ABCG1: variants seen among roughly 807,000 people sequenced by gnomAD.
ABCG1 encodes ATP binding cassette subfamily G member 1, also known as ATP-binding cassette sub-family G member 1.
Under a neutral mutation model 69.2 loss-of-function variants are expected in ABCG1, and 29 were observed. That is an observed-to-expected ratio of 0.42 (90% confidence interval 0.31 to 0.57). The LOEUF (loss-of-function observed/expected upper bound fraction) is 0.57, where lower values mean the gene tolerates loss of function less well. ABCG1 is among the 20% of genes least tolerant of loss of function. The probability of loss-of-function intolerance (pLI) is 0.15; values close to 1 mark genes in which losing one functional copy is unlikely to be tolerated. For missense variants in ABCG1, 718 were observed against 898.1 expected (o/e 0.80, Z 2.56); for synonymous variants, 370 against 374.8 (o/e 0.99, Z 0.15).
At chr21:42,246,346 C>T (rs1294767389) in intron 2 of ABCG1, among the ~76,000 whole-genome samples, 1 of 152,200 alleles carries the variant, frequency 6.6e-6, no homozygotes, top group Non-Finnish European at 1.5e-5. Context: ...CTTTAAGATA[C>T]TGGCAAAACA....
chr21:42,234,266 C>T (rs1436101946), intron 2 of ABCG1, among the ~76,000 whole-genome samples: 2 of 152,112 alleles, frequency 1.3e-5, no homozygotes, highest in African/African-American at 4.8e-5. Context: ...AACTCCCTGC[C>T]TCTATAAGCG....
chr21:42,286,380 C>T (rs1008968043), intron 8 of ABCG1, among the ~76,000 whole-genome samples: 1 of 152,206 alleles, frequency 6.6e-6, no homozygotes. Context: ...TCCTCCTTCG[C>T]CTTCCAGCCA....
rs528347356 is a variant in ABCG1, at chr21:42,273,671, G to A, written c.537+236G>A. 2.4e-3 allele frequency among the ~76,000 whole-genome samples: 365 copies of A among 152,310 alleles called. 1 individual carries two copies. Among genetic ancestry groups the A allele is most frequent in the Middle Eastern group, 0.01 (3 of 294 alleles). On this transcript the variant is annotated intron_variant, in intron 4 of 14. Transcript: ENST00000398449. This position sits in a 1 kb window ranked among gnomAD's most constrained non-coding sequence, Gnocchi z 5.3. ...TGAGTTTAATGGACCTTGTTTGGCA[G>A]GGTTGGGGTCAAGTTTCTGAGAAGG...
intron 2 of ABCG1, among the ~76,000 whole-genome samples, chr21:42,262,945 G>A (rs532510083): frequency 6.6e-6 from 1 of 152,230 alleles, no homozygotes; most frequent in Non-Finnish European, 1.5e-5. Context: ...CCTCTGCCAG[G>A]GGACTGGGCT....
intron 2 of ABCG1, among the ~76,000 whole-genome samples, chr21:42,244,114 C>T (rs1490281897): frequency 6.6e-6 from 1 of 152,194 alleles, no homozygotes; most frequent in African/African-American, 2.4e-5. Context: ...CCCCCACGCC[C>T]GGCCTATCTT....
intron 2 of ABCG1, among the ~76,000 whole-genome samples, chr21:42,203,706 T>C (rs1393643840): frequency 2.6e-5 from 4 of 152,268 alleles, no homozygotes; most frequent in Non-Finnish European, 4.4e-5. Context: ...CTTTATTCTT[T>C]GTTTTCAAAA....
intron 2 of ABCG1, among the ~76,000 whole-genome samples, chr21:42,244,185 A>C (rs1411547767): frequency 6.6e-6 from 1 of 152,176 alleles, no homozygotes; most frequent in Non-Finnish European, 1.5e-5. Flanking sequence ...GTAAGTGATA[A>C]AATTATTTGC....
At chr21:42,290,365 G>C (rs1309607639) in intron 11 of ABCG1, 147 bp downstream of exon 11, 3 of 909,416 alleles carry the variant, frequency 3.3e-6, no homozygotes, top group African/African-American at 1.7e-5. Context: ...GTTGACAGAT[G>C]CAAGTTGTAT....
intron 14 of ABCG1, 55 bp downstream of exon 14, chr21:42,294,715 C>T (rs937944235): frequency 1.2e-5 from 18 of 1,515,484 alleles, no homozygotes; most frequent in Non-Finnish European, 1.4e-5. Context: ...GGGGAAGAAC[C>T]GTCTCCAACA....
chr21:42,285,417 G>A (rs752945961), intron 7 of ABCG1, among the ~76,000 whole-genome samples: 3 of 152,026 alleles, frequency 2.0e-5, no homozygotes, highest in Non-Finnish European at 4.4e-5. Context: ...GATGTGGGAG[G>A]ATCACCTGAG....
At chr21:42,218,785 C>A (rs1036175913), upstream of ABCG1, among the ~76,000 whole-genome samples, 3 of 152,198 alleles carry the variant, frequency 2.0e-5, no homozygotes, top group Non-Finnish European at 2.9e-5. Flanking sequence ...TCCCTGGACG[C>A]CCCCTCTTCG....
chr21:42,201,392 G>GGA (rs2067505040), intron 1 of ABCG1, among the ~76,000 whole-genome samples: 1 of 152,102 alleles, frequency 6.6e-6, no homozygotes, highest in Admixed American at 6.6e-5. Context: ...CTGACAGGAG[G>GGA]GAGAGCTCAA....
upstream of ABCG1, among the ~76,000 whole-genome samples, chr21:42,218,131 C>T (rs184359963): frequency 2.0e-5 from 3 of 152,250 alleles, no homozygotes; most frequent in African/African-American, 4.8e-5. Context: ...AGCTGTGCCT[C>T]CTTTCTAGGT....
intron 2 of ABCG1, among the ~76,000 whole-genome samples, chr21:42,251,027 C>T (rs538618672): frequency 1.7e-3 from 195 of 117,746 alleles, no homozygotes; most frequent in Middle Eastern, 8.5e-3. Flanking sequence ...CAGCGCCCAG[C>T]AGACATGAAC....
At position 42,219,943 on chromosome 21, in the gene ABCG1, C is replaced by G. The variant is rs1388191749; in HGVS notation, c.42+639C>G. 1 of 1,551,150 alleles carries G rather than the reference C, an allele frequency of 6.4e-7. No homozygotes were observed. Among genetic ancestry groups the G allele is most frequent in the Non-Finnish European group, 8.7e-7 (1 of 1,146,848 alleles). ...CCTGCCGGCCGCCTTTCTGCGCGCGCCGGAGAGAGAGACGCGGTGGGGACA... is the reference window on the plus strand; with the variant it reads ...CCTGCCGGCCGCCTTTCTGCGCGCGGCGGAGAGAGAGACGCGGTGGGGACA... On this transcript the variant is annotated intron_variant, in intron 1 of 14. Coordinates refer to ENST00000398449, the MANE Select transcript of ABCG1 (RefSeq NM_016818.3). The surrounding 1 kb of genome is among the most constrained non-coding windows in gnomAD (Gnocchi z 5.3).
chr21:42,278,260 T>C (rs1392675801), intron 5 of ABCG1, among the ~76,000 whole-genome samples: 1 of 152,108 alleles, frequency 6.6e-6, no homozygotes, highest in Non-Finnish European at 1.5e-5. Context: ...CTCTGGATAG[T>C]GTTTTCTAAA....
chr21:42,243,012 G>T (rs2068074786), intron 2 of ABCG1, among the ~76,000 whole-genome samples: 1 of 152,150 alleles, frequency 6.6e-6, no homozygotes, highest in Admixed American at 6.5e-5. Flanking sequence ...GGAGTTGATG[G>T]CCATGTGGGA....
chr21:42,202,520 C>A (rs981084080), intron 2 of ABCG1, among the ~76,000 whole-genome samples: 1 of 151,890 alleles, frequency 6.6e-6, no homozygotes, highest in East Asian at 1.9e-4. Flanking sequence ...GTTGAATGCA[C>A]GCCTCCCTCC....
rs141729419 is a variant in ABCG1 at position 42,201,871 on chromosome 21, G to C, written c.48+148G>C. ...GCTCCTGCGGTGTAGTTTGGTGAGG[G>C]GCCAGCCCGAGGCAAACTGGGGACC... is the stretch of plus-strand genomic sequence containing the variant. On this transcript the variant is annotated intron_variant, in intron 2 of 15. Transcript: ENST00000398457. 226 of 1,525,830 alleles carry C rather than the reference G, an allele frequency of 1.5e-4. 1 individual carries two copies. In the African/African-American group the frequency reaches 2.7e-3, roughly 18 times the overall value. 94.5% of individuals were successfully genotyped at this position (1,525,830 alleles called of 1,614,324 possible). A position where few individuals can be genotyped will look rare whatever the true frequency, so the allele number is the denominator to read the frequency against.
Sources: allele counts gnomAD v4.1 joint callset (sites outside exome capture counted in the v4.1 genomes callset), GRCh38; gene constraint gnomAD v4.1.1; non-coding constraint Gnocchi (gnomAD v3.1); transcripts MANE v1.5; gene names NCBI Gene and HGNC (gene_info 2026-07-23, HGNC 2026-07-21).